TRIOBP: variants seen among roughly 807,000 people sequenced by gnomAD.
TRIOBP encodes the protein TRIO and F-actin-binding protein.
In TRIOBP, 169 loss-of-function variants were observed where a neutral mutation model predicts 238.8. That is an observed-to-expected ratio of 0.71 (90% CI 0.62 to 0.80). The LOEUF is 0.80. Among genes scored for constraint, TRIOBP ranks in the 30% least tolerant of loss-of-function variants. The pLI is 0.00. For synonymous variants in TRIOBP, 1,150 were observed against 1,274.4 expected (o/e 0.90, Z 2.08); for missense variants, 2,838 against 3,122.6 (o/e 0.91, Z 2.17).
At chr22:37,701,564 G>A in intron 3 of TRIOBP, 85 bp downstream of exon 3, 1 of 963,620 alleles carries the variant, frequency 1.0e-6, no homozygotes, top group South Asian at 1.4e-5. Context: ...CTAACTCGCA[G>A]TTGAACCCAG....
chr22:37,745,474 C>A (rs1046384493), intron 11 of TRIOBP, among the ~76,000 whole-genome samples: 3 of 152,098 alleles, frequency 2.0e-5, no homozygotes, highest in Admixed American at 2.0e-4. Flanking sequence ...TACTCACCTG[C>A]AGGAAAAGAG....
At chr22:37,710,375 G>T in intron 3 of TRIOBP, 52 bp from the exon 4 acceptor site, 1 of 1,608,392 alleles carries the variant, frequency 6.2e-7, no homozygotes, top group South Asian at 1.1e-5. Context: ...GCAGGGGGAG[G>T]GGAGCCCCCA....
intron 7 of TRIOBP, among the ~76,000 whole-genome samples, chr22:37,728,083 A>C (rs1233560744): frequency 6.6e-6 from 1 of 152,174 alleles, no homozygotes; most frequent in Non-Finnish European, 1.5e-5. Flanking sequence ...TTTGTATCTA[A>C]AATTCCTCTT....
chr22:37,772,838 A>C (rs952367332), intron 23 of TRIOBP, 74 bp downstream of exon 23: 1 of 1,557,694 alleles, frequency 6.4e-7, no homozygotes, highest in Non-Finnish European at 8.7e-7. Context: ...TCCCTGGACC[A>C]CCCCAGCCAG....
At chr22:37,702,683 A>C (rs1322966736) in intron 3 of TRIOBP, among the ~76,000 whole-genome samples, 7 of 123,896 alleles carry the variant, frequency 5.6e-5, no homozygotes, top group African/African-American at 2.3e-4. Context: ...GCTCTGTAGC[A>C]CAGGCTGGAG....
intron 17 of TRIOBP, among the ~76,000 whole-genome samples, chr22:37,764,928 A>G (rs1354464740): frequency 6.6e-6 from 1 of 152,224 alleles, no homozygotes; most frequent in Non-Finnish European, 1.5e-5. Flanking sequence ...AGACAGAGCT[A>G]GGAGAGACAT....
At position 37,757,829 on chromosome 22, in the gene TRIOBP, C is replaced by T. The variant is rs767627245; in HGVS notation, c.5904C>T (p.Arg1968=). ...RARTPARTPD[R]LAKQEELERD... ...GCACCCCAGCCCGCACTCCTGACCG[C>T]CTGGCCAAGCAGGAGGAGCTGGAGC... The change falls in exon 16 of 24, where the codon CGC becomes CGT. Residue 1968 remains arginine, a synonymous_variant. Transcript: ENST00000644935. 1 of 1,549,854 alleles carries T rather than the reference C, an allele frequency of 6.5e-7. No individual in the cohort carries two copies. The highest frequency in any genetic ancestry group is 1.2e-5 in the South Asian group (1 of 84,106).
chr22:37,748,045 G>A (rs1000633197), intron 11 of TRIOBP, among the ~76,000 whole-genome samples: 3 of 152,182 alleles, frequency 2.0e-5, no homozygotes, highest in African/African-American at 7.2e-5. Flanking sequence ...ATGGACTAGC[G>A]AGGAGACAGC....
chr22:37,709,368 A>G (rs1601620243), intron 3 of TRIOBP, among the ~76,000 whole-genome samples: 1 of 152,102 alleles, frequency 6.6e-6, no homozygotes, highest in Non-Finnish European at 1.5e-5. Flanking sequence ...CATGTCTTTC[A>G]TTGTTCTTGG....
intron 2 of TRIOBP, among the ~76,000 whole-genome samples, chr22:37,698,791 A>T (rs767728053): frequency 7.9e-6 from 1 of 126,870 alleles, no homozygotes; most frequent in Non-Finnish European, 1.7e-5. Context: ...GCAAGGAGCT[A>T]TGATCGAGCC....
At chr22:37,719,202 CAAATAAATAAAT>C (rs57821341) in intron 6 of TRIOBP, among the ~76,000 whole-genome samples, 6 of 145,900 alleles carry the variant, frequency 4.1e-5, no homozygotes, top group African/African-American at 1.3e-4. Context: ...GACTCCATCT[CAAATAAATAAAT>C]AAATAAATAA....
At chr22:37,719,784 C>T (rs1315924769) in intron 6 of TRIOBP, among the ~76,000 whole-genome samples, 2 of 151,970 alleles carry the variant, frequency 1.3e-5, no homozygotes, top group Admixed American at 1.3e-4. Context: ...ATATCTGATG[C>T]CCCACATCCC....
chr22:37,739,656 C>T lies in TRIOBP; in HGVS notation c.5184+937C>T, dbSNP rs375390895. On this transcript the variant is annotated intron_variant, in intron 10 of 23. Coordinates refer to ENST00000644935, the MANE Select transcript of TRIOBP (RefSeq NM_001039141.3). ...CCCCCGTCCCTGCCCCGATTTCTTG[C>T]GTGGCTTCGAACGGCAGTGCTGTAA... Among the ~76,000 whole-genome samples the T allele has an allele frequency of 1.9e-3, 292 of 152,308 alleles. 1 individual carries two copies. Among genetic ancestry groups the T allele is most frequent in the African/African-American group, 6.5e-3 (271 of 41,554 alleles).
intron 22 of TRIOBP, among the ~76,000 whole-genome samples, chr22:37,772,201 G>T (rs1431556540): frequency 2.0e-5 from 3 of 152,178 alleles, no homozygotes; most frequent in African/African-American, 7.2e-5. Flanking sequence ...CGCTCTGTCA[G>T]TTTGGGGCAG....
intron 4 of TRIOBP, among the ~76,000 whole-genome samples, chr22:37,711,029 CT>C (rs138915798): frequency 1.7e-4 from 26 of 152,360 alleles, no homozygotes; most frequent in African/African-American, 6.3e-4. Context: ...GCTCCAGGCT[CT>C]GGGGTTCCTT....
Position 37,771,681 on chromosome 22 carries a change from A to C in TRIOBP, c.6881A>C (p.Gln2294Pro), listed in dbSNP as rs774513118. The C allele has an allele frequency of 6.2e-7, 1 of 1,614,142 alleles. No homozygotes were observed. The highest frequency in any genetic ancestry group is 8.5e-7 in the Non-Finnish European group (1 of 1,180,010). The change falls in exon 22 of 24, where the codon CAG becomes CCG. Residue 2294 changes from glutamine to proline, a missense_variant. Transcript: ENST00000644935. ...VLLRVKENEL[Q>P]YLKKEVQCLR... ...CTTCGCGTAAAAGAAAACGAACTCC[A>C]GTACCTAAAGAAGGAGGTGCAGTGC... is the stretch of plus-strand genomic sequence containing the variant.
intron 11 of TRIOBP, among the ~76,000 whole-genome samples, chr22:37,744,067 G>A (rs1039473363): frequency 6.7e-6 from 1 of 148,362 alleles, no homozygotes; most frequent in African/African-American, 2.5e-5. Flanking sequence ...GGAATGCAGT[G>A]GTGTGATCTT....
At chr22:37,773,375 T>C (rs1180216224) in intron 23 of TRIOBP, among the ~76,000 whole-genome samples, 1 of 152,150 alleles carries the variant, frequency 6.6e-6, no homozygotes, top group Non-Finnish European at 1.5e-5. Flanking sequence ...CTCACCACCA[T>C]GCCCAGATAA....
chr22:37,744,000 C>CTTTT (rs571857057), intron 11 of TRIOBP, among the ~76,000 whole-genome samples: 1 of 130,476 alleles, frequency 7.7e-6, no homozygotes, highest in African/African-American at 2.8e-5. Flanking sequence ...TGCTGTGTAT[C>CTTTT]TTTTTTTTTT....
Sources: allele counts gnomAD v4.1 joint callset (sites outside exome capture counted in the v4.1 genomes callset), GRCh38; gene constraint gnomAD v4.1.1; transcripts MANE v1.5; gene names NCBI Gene and HGNC (gene_info 2026-07-23, HGNC 2026-07-21).